The following AFG3L2 variants were observed in gnomAD, a reference collection of about 807,000 sequenced individuals.
AFG3L2 encodes the protein mitochondrial inner membrane m-AAA protease component AFG3L2.
In AFG3L2, 54 loss-of-function variants were observed where a neutral mutation model predicts 94.5. The observed-to-expected ratio is 0.57, with a 90% CI of 0.46 to 0.72. The LOEUF is 0.72. Among genes scored for constraint, AFG3L2 ranks in the 30% least tolerant of loss-of-function variants. AFG3L2 has a pLI of 0.00. For missense variants in AFG3L2, 754 were observed against 994.9 expected (o/e 0.76, Z 3.26); for synonymous variants, 377 against 365.5 (o/e 1.03, Z -0.36).
chr18:12,335,955 A>G (rs962541524), intron 16 of AFG3L2, among the ~76,000 whole-genome samples: 1 of 152,250 alleles, frequency 6.6e-6, no homozygotes, highest in African/African-American at 2.4e-5. Flanking sequence ...TGAACAGCAT[A>G]ATCTTAGTGA....
chr18:12,353,182 C>A, intron 9 of AFG3L2, 24 bp from the exon 10 acceptor site: 1 of 1,613,200 alleles, frequency 6.2e-7, no homozygotes, highest in Non-Finnish European at 8.5e-7. Flanking sequence ...GAAAGAGAGT[C>A]ACCTGACCAG....
intron 1 of AFG3L2, among the ~76,000 whole-genome samples, chr18:12,372,428 C>T (rs1909020126): frequency 6.6e-6 from 1 of 152,224 alleles, no homozygotes; most frequent in South Asian, 2.1e-4. Flanking sequence ...GCCCTGTACA[C>T]TGTGCTGGTG....
chr18:12,337,293 CT>C (rs562833216), intron 16 of AFG3L2, 47 bp downstream of exon 16: 53 of 1,552,654 alleles, frequency 3.4e-5, no homozygotes, highest in Non-Finnish European at 4.0e-5. Context: ...TCACTTCAAT[CT>C]TTTTTTTGCA....
rs1418521322 is a variant in AFG3L2, at chr18:12,332,938, AAC to A, written c.2176-3157_2176-3156del. On this transcript the variant is annotated intron_variant, in intron 16 of 16. Coordinates refer to ENST00000269143, the MANE Select transcript of AFG3L2 (RefSeq NM_006796.3). ...ATATTATATATAACATATACTATAT[AAC>A]ATATAATATATTATATACTATAATA... Among the ~76,000 whole-genome samples, 671 of 123,516 alleles carry A rather than the reference AAC, an allele frequency of 5.4e-3. 14 individuals carry two copies. Among genetic ancestry groups the A allele is most frequent in the African/African-American group, 0.019 (633 of 33,378 alleles). The allele number at this position is 123,516 out of a possible 152,430, so 81.0% of individuals were successfully genotyped here. A position where few individuals can be genotyped will look rare whatever the true frequency, so the allele number is the denominator to read the frequency against.
At chr18:12,340,591 A>G (rs1907916995) in intron 14 of AFG3L2, among the ~76,000 whole-genome samples, 190 bp from the exon 15 acceptor site, 1 of 9,818 alleles carries the variant, frequency 1.0e-4, no homozygotes, top group Non-Finnish European at 2.9e-4. Flanking sequence ...AGTTCACCTT[A>G]GAGTGTTTTT....
At chr18:12,353,270 T>C in intron 9 of AFG3L2, 112 bp from the exon 10 acceptor site, 1 of 1,329,586 alleles carries the variant, frequency 7.5e-7, no homozygotes, top group Non-Finnish European at 1.0e-6. Context: ...ATCCCAGCAC[T>C]GTGGGAGGCC....
intron 3 of AFG3L2, among the ~76,000 whole-genome samples, chr18:12,369,845 A>T (rs899478277): frequency 2.0e-5 from 3 of 151,998 alleles, no homozygotes; most frequent in Admixed American, 6.6e-5. Flanking sequence ...TCACAAGGTC[A>T]GGAGATGGAG....
rs999022186 is a variant in AFG3L2 at position 12,333,484 on chromosome 18, C to T, written c.2176-3701G>A. Among the ~76,000 whole-genome samples the T allele has an allele frequency of 3.3e-5, 5 of 150,602 alleles. No homozygotes were observed. In the Admixed American group the frequency reaches 3.4e-4, roughly 10 times the overall value. The stretch of plus-strand genomic sequence containing the variant: ...GGCTCAGGTGATCCTCCCATCTCAG[C>T]CTCCAAGTAGCTGGGACTACAGATG... On this transcript the variant is annotated intron_variant, in intron 16 of 16. Transcript: ENST00000269143.
At chr18:12,376,288 G>C (rs1262516431) in intron 1 of AFG3L2, among the ~76,000 whole-genome samples, 1 of 152,182 alleles carries the variant, frequency 6.6e-6, no homozygotes, top group South Asian at 2.1e-4. Flanking sequence ...GCGACTATTC[G>C]ACACGTGAAC....
intron 9 of AFG3L2, among the ~76,000 whole-genome samples, chr18:12,355,484 A>C (rs751910782): frequency 1.3e-5 from 2 of 152,210 alleles, no homozygotes; most frequent in African/African-American, 2.4e-5. Flanking sequence ...AGGGATGGAA[A>C]ATGGGCAAGT....
In AFG3L2 at chr18:12,332,982, A is replaced by ATAATATATT. The variant is rs1369596677; in HGVS notation, c.2176-3200_2176-3199insAATATATTA. ...ACTATAATATATTATATATTATATA[A>ATAATATATT]ATATATTATATAAATTATATATAAT... is the stretch of plus-strand genomic sequence containing the variant. On this transcript the variant is annotated intron_variant, in intron 16 of 16. Transcript: ENST00000269143. 0.02 allele frequency among the ~76,000 whole-genome samples: 2,003 copies of ATAATATATT among 100,714 alleles called. 213 individuals are homozygous for ATAATATATT. The East Asian group carries it at 0.28, about 14-fold the overall frequency. 66.1% of individuals were successfully genotyped at this position (100,714 alleles called of 152,430 possible). A position where few individuals can be genotyped will look rare whatever the true frequency, so the allele number is the denominator to read the frequency against.
intron 3 of AFG3L2, 102 bp from the exon 4 acceptor site, chr18:12,367,484 C>T: frequency 1.8e-6 from 2 of 1,087,430 alleles, no homozygotes; most frequent in Non-Finnish European, 2.8e-6. Flanking sequence ...TTGCAGAATA[C>T]ACTGTGGCAA....
intron 16 of AFG3L2, among the ~76,000 whole-genome samples, chr18:12,332,122 G>A (rs1907551981): frequency 1.2e-5 from 1 of 82,762 alleles, no homozygotes; most frequent in Non-Finnish European, 2.3e-5. Context: ...CTCATAAAAT[G>A]ATTTTTTTTT....
At chr18:12,358,592 A>T in intron 8 of AFG3L2, 78 bp downstream of exon 8, 1 of 1,503,440 alleles carries the variant, frequency 6.7e-7, no homozygotes, top group Non-Finnish European at 9.1e-7. Context: ...TATCTATAAT[A>T]AGTAATCAAA....
intron 10 of AFG3L2, among the ~76,000 whole-genome samples, chr18:12,352,309 T>C (rs1230850518): frequency 2.0e-5 from 3 of 152,182 alleles, no homozygotes; most frequent in African/African-American, 4.8e-5. Flanking sequence ...TTCTACCTCC[T>C]TATTCTGCCC....
At chr18:12,337,560 A>G in intron 15 of AFG3L2, 25 bp from the exon 16 acceptor site, 1 of 1,609,208 alleles carries the variant, frequency 6.2e-7, no homozygotes, top group Non-Finnish European at 8.5e-7. Context: ...ATTAGTGGTG[A>G]TTACATATGA....
At chr18:12,361,845 C>T (rs1249820084) in intron 6 of AFG3L2, among the ~76,000 whole-genome samples, 1 of 152,130 alleles carries the variant, frequency 6.6e-6, no homozygotes, top group Non-Finnish European at 1.5e-5. Context: ...ATACAAAATT[C>T]ACATGGTTAC....
At chr18:12,334,064 G>A (rs901447768) in intron 16 of AFG3L2, among the ~76,000 whole-genome samples, 4 of 152,212 alleles carry the variant, frequency 2.6e-5, no homozygotes, top group African/African-American at 9.7e-5. Flanking sequence ...CACAGGTGTT[G>A]GGTGAATGCT....
chr18:12,340,176 G>C, intron 15 of AFG3L2, 25 bp downstream of exon 15: 1 of 1,586,916 alleles, frequency 6.3e-7, no homozygotes, highest in Non-Finnish European at 8.6e-7. Context: ...ACATGAGGAG[G>C]AAATGCACTC....
Sources: gnomAD v4.1 joint callset for allele counts (sites outside exome capture counted in the v4.1 genomes callset) on GRCh38, gnomAD v4.1.1 for gene constraint, MANE v1.5 for transcripts, NCBI Gene and HGNC (gene_info 2026-07-23, HGNC 2026-07-21) for gene names.